Variants in GTF3A observed in about 807,000 individuals in gnomAD.
GTF3A encodes general transcription factor IIIA.
GTF3A carries 40 observed loss-of-function variants against 37.6 expected under a neutral mutation model. The observed-to-expected ratio is 1.06, with a 90% CI of 0.83 to 1.38. GTF3A has a LOEUF of 1.38. Ranked by LOEUF, GTF3A falls within the 40% of genes most tolerant of loss-of-function variation. The probability of loss-of-function intolerance (pLI) is 0.00; values close to 1 mark genes in which losing one functional copy is unlikely to be tolerated. For missense variants in GTF3A, 500 were observed against 462.6 expected (o/e 1.08, Z -0.74); for synonymous variants, 191 against 166.7 (o/e 1.15, Z -1.12).
Position 27,434,802 on chromosome 13 carries a change from C to T in GTF3A, c.644-3C>T. On this transcript the variant is annotated splice_region_variant and splice_polypyrimidine_tract_variant and intron_variant, in intron 6 of 8. Transcript: ENST00000381140. The stretch of plus-strand genomic sequence containing the variant: ...TGTGAAATTTGTCTGTCTGTCCCAC[C>T]AGAGGAAATACTATGTGAAGTATGC... 6.3e-7 allele frequency: 1 copy of T among 1,577,428 alleles called. No homozygotes were observed.
chr13:27,432,098 G>A lies in GTF3A; in HGVS notation c.489-633G>A, dbSNP rs191476533. ...CTGCAATTAGGGTTTTTTGAGGAAC[G>A]TGAGGGTGGCTGGACAAGTTGGGTA... On this transcript the variant is annotated intron_variant, in intron 4 of 8. Coordinates refer to ENST00000381140, the MANE Select transcript of GTF3A (RefSeq NM_002097.3). Among the ~76,000 whole-genome samples the A allele has an allele frequency of 6.6e-5, 10 of 152,302 alleles. No individual in the cohort carries two copies. The East Asian group carries it at 1.9e-3, about 29-fold the overall frequency.
intron 1 of GTF3A, 32 bp from the exon 2 acceptor site, chr13:27,427,060 G>C (rs1201458588): frequency 9.1e-7 from 1 of 1,099,388 alleles, no homozygotes; most frequent in South Asian, 1.3e-5. Flanking sequence ...AACTAGTGCA[G>C]AAGTGACATG....
In GTF3A at chr13:27,424,858, A is replaced by C; in HGVS notation, c.121A>C (p.Ile41Leu). The change falls in exon 1 of 9, where the codon ATC becomes CTC. Residue 41 changes from isoleucine (I) to leucine (L), a missense_variant. Transcript: ENST00000381140. ...GCGCCCCGCGCTTCCCAGGAGGTTCATCTGCTCCTTCCCTGACTGCAGCGC... is the reference window on the plus strand; with the variant it reads ...GCGCCCCGCGCTTCCCAGGAGGTTCCTCTGCTCCTTCCCTGACTGCAGCGC... 6.5e-7 allele frequency: 1 copy of C among 1,550,262 alleles called. No homozygotes were observed. The highest frequency in any genetic ancestry group is 8.7e-7 in the Non-Finnish European group (1 of 1,146,450).
rs1197619521 is a variant in GTF3A, at chr13:27,424,670, GCCGGTTC to G, written c.-63_-57del. 6 of 1,192,430 alleles carry G rather than the reference GCCGGTTC, an allele frequency of 5.0e-6. No homozygotes were observed. In the South Asian group the frequency reaches 1.2e-4, roughly 23 times the overall value. 73.9% of individuals were successfully genotyped at this position (1,192,430 alleles called of 1,614,324 possible). ...CAGCAGGGAGCCGTGGGCCGGGCGC[GCCGGTTC>G]CCGGCACGTGTCTCGGCACGTGGCA... is the stretch of plus-strand genomic sequence containing the variant. On this transcript the variant is annotated 5_prime_UTR_variant, in exon 1 of 9. Transcript: ENST00000381140.
At chr13:27,432,136 G>T (rs1953662778) in intron 4 of GTF3A, among the ~76,000 whole-genome samples, 1 of 152,168 alleles carries the variant, frequency 6.6e-6, no homozygotes, top group African/African-American at 2.4e-5. Flanking sequence ...CCTGCAAAAG[G>T]GCCAGCGGCT....
chr13:27,434,023 T>C (rs758206717), intron 5 of GTF3A, 116 bp from the exon 6 acceptor site: 3 of 661,434 alleles, frequency 4.5e-6, no homozygotes, highest in African/African-American at 3.6e-5. Context: ...GAGGCTGAGT[T>C]GAATACTATT....
chr13:27,430,056 A>C, intron 3 of GTF3A, 90 bp downstream of exon 3: 6 of 642,148 alleles, frequency 9.3e-6, no homozygotes, highest in Non-Finnish European at 1.5e-5. Context: ...GCGGTGGCTC[A>C]AGCCTATAAT....
chr13:27,424,737 C>T lies in GTF3A; in HGVS notation c.-1C>T. The T allele has an allele frequency of 1.4e-6, 2 of 1,458,606 alleles. No homozygotes were observed. The highest frequency in any genetic ancestry group is 2.9e-5 in the East Asian group (1 of 34,912). The allele number at this position is 1,458,606 out of a possible 1,614,324, so 90.4% of individuals were successfully genotyped here. A position where few individuals can be genotyped will look rare whatever the true frequency, so the allele number is the denominator to read the frequency against. The stretch of plus-strand genomic sequence containing the variant: ...GCCCTGGGCTTGGAGGCGCCGGCGC[C>T]CTGGATCCGCCGGCCGTGGTCGCCG... On this transcript the variant is annotated 5_prime_UTR_variant, in exon 1 of 9. Transcript: ENST00000381140.
chr13:27,427,677 G>T (rs1225623791), intron 2 of GTF3A, among the ~76,000 whole-genome samples: 1 of 152,110 alleles, frequency 6.6e-6, no homozygotes, highest in African/African-American at 2.4e-5. Flanking sequence ...AGGGGGTAGG[G>T]GGAGGGGTGA....
chr13:27,429,475 C>A (rs1953638913), intron 2 of GTF3A: 1 of 153,954 alleles, frequency 6.5e-6, no homozygotes, highest in Admixed American at 6.5e-5. Context: ...TTTATGGAGG[C>A]CTTTCTGGAA....
intron 3 of GTF3A, 53 bp downstream of exon 3, chr13:27,430,019 C>T: frequency 2.1e-6 from 2 of 954,746 alleles, no homozygotes; most frequent in South Asian, 1.8e-5. Flanking sequence ...CACTTACTGC[C>T]TATGTTTCTG....
chr13:27,434,221 T>C lies in GTF3A; in HGVS notation c.643+2T>C. ...AACATGTGAGAGAAACCCATAAAGG[T>C]AAGGCAGGCATGAATGGCAGGCATG... is the stretch of plus-strand genomic sequence containing the variant. On this transcript the variant is annotated splice_donor_variant, in intron 6 of 8. Transcript: ENST00000381140. LOFTEE classifies it high-confidence loss of function. The C allele has an allele frequency of 8.7e-7, 1 of 1,154,698 alleles. No individual in the cohort carries two copies. Among genetic ancestry groups the C allele is most frequent in the Non-Finnish European group, 1.3e-6 (1 of 760,248 alleles). The allele number at this position is 1,154,698 out of a possible 1,614,324, so 71.5% of individuals were successfully genotyped here.
intron 4 of GTF3A, among the ~76,000 whole-genome samples, chr13:27,431,274 C>T (rs183268718): frequency 5.9e-5 from 9 of 152,128 alleles, no homozygotes; most frequent in Admixed American, 3.3e-4. Context: ...ACTGTAGCCT[C>T]GTAGTATAAT....
Position 27,435,610 on chromosome 13 carries a change from T to A in GTF3A, c.*13T>A, listed in dbSNP as rs763186657. ...TACCCTTGGCTAAGAACTGCACTGC[T>A]TTGTTTAAAGGACTGCAGACCAAGG... On this transcript the variant is annotated 3_prime_UTR_variant, in exon 9 of 9. Coordinates refer to ENST00000381140, the MANE Select transcript of GTF3A (RefSeq NM_002097.3). The A allele has an allele frequency of 3.7e-6, 6 of 1,613,374 alleles. No individual in the cohort carries two copies. The South Asian group carries it at 6.6e-5, about 18-fold the overall frequency.
In GTF3A at chr13:27,433,856, C is replaced by T. The variant is rs544367292; in HGVS notation, c.563-283C>T. Among the ~76,000 whole-genome samples the T allele has an allele frequency of 4.9e-4, 74 of 152,176 alleles. 1 individual carries two copies. Among genetic ancestry groups the T allele is most frequent in the Non-Finnish European group, 9.8e-4 (67 of 68,030 alleles). Reference sequence around the variant, plus strand: ...GAAAAGGCATCCTTAGGCATCCTTCCTGTGAAGTTTGCCTATTCCGTGATC... The same window carrying T: ...GAAAAGGCATCCTTAGGCATCCTTCTTGTGAAGTTTGCCTATTCCGTGATC... On this transcript the variant is annotated intron_variant, in intron 5 of 8. Transcript: ENST00000381140.
Position 27,435,377 on chromosome 13 carries a change from TAACTC to T in GTF3A, c.934-54_934-50del, listed in dbSNP as rs1159713566. On this transcript the variant is annotated intron_variant, in intron 8 of 8. Coordinates refer to ENST00000381140, the MANE Select transcript of GTF3A (RefSeq NM_002097.3). ...CTGGTACATATGACTATCGTAAAAT[TAACTC>T]AGACAGTTTTGATTTTGAATTCTAA... 8 of 1,539,516 alleles carry T rather than the reference TAACTC, an allele frequency of 5.2e-6. No individual in the cohort carries two copies. In the East Asian group the frequency reaches 9.1e-5, roughly 17 times the overall value.
intron 4 of GTF3A, 49 bp from the exon 5 acceptor site, chr13:27,432,682 G>A (rs372078216): frequency 4.7e-6 from 7 of 1,478,656 alleles, no homozygotes; most frequent in Non-Finnish European, 6.5e-6. Flanking sequence ...CTTGAGCGGA[G>A]TTCTCTGTGA....
At position 27,424,869 on chromosome 13, in the gene GTF3A, C is replaced by G; in HGVS notation, c.132C>G (p.Phe44Leu). The G allele has an allele frequency of 1.3e-6, 2 of 1,550,208 alleles. No individual in the cohort carries two copies. Among genetic ancestry groups the G allele is most frequent in the East Asian group, 2.5e-5 (1 of 40,774 alleles). ...TTCCCAGGAGGTTCATCTGCTCCTT[C>G]CCTGACTGCAGCGCCAATTACAGCA... Residue 44 changes from phenylalanine (F) to leucine (L), a missense_variant, in exon 1 of 9, where the codon TTC becomes TTG. By Grantham distance (22) the Phe-to-Leu change is conservative. Coordinates refer to ENST00000381140, the MANE Select transcript of GTF3A (RefSeq NM_002097.3).
At position 27,424,730 on chromosome 13, in the gene GTF3A, C is replaced by T. The variant is rs1360227632; in HGVS notation, c.-8C>T. 1.2e-5 allele frequency: 18 copies of T among 1,442,644 alleles called. No homozygotes were observed. In the East Asian group the frequency reaches 2.9e-4, roughly 23 times the overall value. 89.4% of individuals were successfully genotyped at this position (1,442,644 alleles called of 1,614,324 possible). A position where few individuals can be genotyped will look rare whatever the true frequency, so the allele number is the denominator to read the frequency against. On this transcript the variant is annotated 5_prime_UTR_variant, in exon 1 of 9. Transcript: ENST00000381140. ...GCGCCTGGCCCTGGGCTTGGAGGCGCCGGCGCCCTGGATCCGCCGGCCGTG... is the reference window on the plus strand; with the variant it reads ...GCGCCTGGCCCTGGGCTTGGAGGCGTCGGCGCCCTGGATCCGCCGGCCGTG...
Sources: gnomAD v4.1 joint callset for allele counts (sites outside exome capture counted in the v4.1 genomes callset) on GRCh38, gnomAD v4.1.1 for gene constraint, MANE v1.5 for transcripts, NCBI Gene and HGNC (gene_info 2026-07-23, HGNC 2026-07-21) for gene names.